Variants in NPC1L1 observed in about 807,000 individuals in gnomAD.
NPC1L1 encodes the protein NPC1-like intracellular cholesterol transporter 1.
Under a neutral mutation model 117.0 loss-of-function variants are expected in NPC1L1, and 98 were observed. That is an observed-to-expected ratio of 0.84 (90% CI 0.71 to 0.99). The LOEUF is 0.99. NPC1L1 is among the 50% of genes least tolerant of loss of function. The pLI, the probability that NPC1L1 is intolerant of heterozygous loss-of-function variation, is 0.00. For synonymous variants in NPC1L1, 729 were observed against 727.6 expected (o/e 1.00, Z -0.03); for missense variants, 1,540 against 1,710.0 (o/e 0.90, Z 1.75).
intron 10 of NPC1L1, among the ~76,000 whole-genome samples, chr7:44,525,772 A>T (rs1331997780): frequency 2.0e-5 from 3 of 152,250 alleles, no homozygotes; most frequent in Non-Finnish European, 4.4e-5. Flanking sequence ...TTGAAAAAAA[A>T]GAAGTGACTT....
At chr7:44,516,242 G>A (rs1266911135) in intron 16 of NPC1L1, 45 bp from the exon 17 acceptor site, 1 of 1,519,590 alleles carries the variant, frequency 6.6e-7, no homozygotes, top group Non-Finnish European at 9.0e-7. Flanking sequence ...CAGAGGTGGG[G>A]AAGGAACTAG....
Position 44,539,133 on chromosome 7 carries a change from A to G in NPC1L1, c.1264T>C (p.Tyr422His). ...TTGGGCCCCAGCAGCAGAGAGTCATACCTGTAGCTGGACCGGTTAGGAGCC... is the reference window on the plus strand; with the variant it reads ...TTGGGCCCCAGCAGCAGAGAGTCATGCCTGTAGCTGGACCGGTTAGGAGCC... ...LTAPNRSSYR[Y>H]DSLLLGPKNF... is the part of the protein sequence containing the mutation. The change falls in exon 2 of 19, where the codon TAT becomes CAT. Residue 422 changes from tyrosine (Y) to histidine (H), a missense_variant. By Grantham distance (83) the Tyr-to-His change is moderately conservative. This residue lies in a region of NPC1L1 where 793 missense variants were observed against 820.4 expected (regional missense o/e 0.97). Transcript: ENST00000381160. This position sits in a 1 kb window ranked among gnomAD's most constrained non-coding sequence, Gnocchi z 4.4. The G allele has an allele frequency of 6.2e-7, 1 of 1,614,036 alleles. No homozygotes were observed. Among genetic ancestry groups the G allele is most frequent in the Non-Finnish European group, 8.5e-7 (1 of 1,180,020 alleles).
chr7:44,522,472 T>C (rs1278423254), intron 10 of NPC1L1, among the ~76,000 whole-genome samples: 1 of 152,050 alleles, frequency 6.6e-6, no homozygotes, highest in African/African-American at 2.4e-5. Flanking sequence ...CGTAGATACA[T>C]GCTTAGAGGT....
intron 2 of NPC1L1, among the ~76,000 whole-genome samples, chr7:44,537,321 C>T (rs771030400): frequency 6.6e-6 from 1 of 152,182 alleles, no homozygotes; most frequent in East Asian, 1.9e-4. Flanking sequence ...CTGGATTGAG[C>T]GTCACACCTG....
intron 15 of NPC1L1, 136 bp from the exon 16 acceptor site, chr7:44,517,070 C>T: frequency 6.9e-7 from 1 of 1,443,168 alleles, no homozygotes; most frequent in Non-Finnish European, 9.7e-7. Context: ...AAGAAATAGG[C>T]CCAAGGCTGC....
intron 18 of NPC1L1, 120 bp downstream of exon 18, chr7:44,515,683 G>C: frequency 1.7e-6 from 2 of 1,205,152 alleles, no homozygotes; most frequent in Non-Finnish European, 2.5e-6. Context: ...CATAGTCCTG[G>C]CTTCTGACAT....
At chr7:44,516,013 A>G in intron 17 of NPC1L1, 48 bp from the exon 18 acceptor site, 1 of 1,610,710 alleles carries the variant, frequency 6.2e-7, no homozygotes, top group South Asian at 1.1e-5. Context: ...GGCATCAGGC[A>G]GGGCACAGGG....
intron 10 of NPC1L1, 48 bp from the exon 11 acceptor site, chr7:44,522,290 C>A (rs1563203669): frequency 6.4e-7 from 1 of 1,551,864 alleles, no homozygotes. Context: ...ATGCACACCC[C>A]TAAAGGGCTC....
chr7:44,520,418 G>A (rs1175322149), intron 14 of NPC1L1, among the ~76,000 whole-genome samples: 1 of 152,226 alleles, frequency 6.6e-6, no homozygotes, highest in Non-Finnish European at 1.5e-5. Flanking sequence ...ATGACTGCTA[G>A]GATTGTGCTG....
intron 10 of NPC1L1, among the ~76,000 whole-genome samples, chr7:44,523,065 GT>G (rs1801408896): frequency 6.6e-6 from 1 of 152,094 alleles, no homozygotes; most frequent in South Asian, 2.1e-4. Context: ...TTTTTGTTTT[GT>G]TTTGTTTTGT....
Position 44,517,350 on chromosome 7 carries a change from C to T in NPC1L1, c.3144G>A (p.Arg1048=). ...LTSDGQVLAS[R]FMAYHKPLKN... ...TCAGGGGCTTGTGATAGGCCATGAA[C>T]CTGGAGGCTGGACAGCCATGGCACA... Residue 1048 remains arginine (R), a synonymous_variant, in exon 15 of 19, where the codon AGG becomes AGA. Transcript: ENST00000381160. 1 of 1,611,898 alleles carries T rather than the reference C, an allele frequency of 6.2e-7. No homozygotes were observed. The highest frequency in any genetic ancestry group is 1.1e-5 in the South Asian group (1 of 91,082).
In NPC1L1 at chr7:44,540,248, A is replaced by C. The variant is rs146419986; in HGVS notation, c.149T>G (p.Met50Arg). The C allele has an allele frequency of 9.9e-6, 16 of 1,613,952 alleles. No homozygotes were observed. Among genetic ancestry groups the C allele is most frequent in the African/African-American group, 9.3e-5 (7 of 74,876 alleles). The change falls in exon 2 of 19, where the codon ATG (methionine) becomes AGG (arginine). Residue 50 changes from methionine (M) to arginine (R), a missense_variant. Met to Arg is a moderately conservative substitution (Grantham distance 91). Around this residue, in one of 3 missense-constraint regions of NPC1L1, gnomAD observed 793 missense variants for 820.4 expected, o/e 0.97. Transcript: ENST00000381160. ...GKNPELSGSLMTLSNVSCLSN... is the reference protein window; with the variant it reads ...GKNPELSGSLRTLSNVSCLSN... The stretch of plus-strand genomic sequence containing the variant: ...CAGGCAGGACACGTTGGAGAGTGTC[A>C]TGAGGCTTCCAGACAGCTCTGGGTT...
chr7:44,525,853 A>G (rs986208488), intron 10 of NPC1L1, among the ~76,000 whole-genome samples: 4 of 152,254 alleles, frequency 2.6e-5, no homozygotes, highest in African/African-American at 9.6e-5. Context: ...CCCAGATGGC[A>G]GTGGGTTTGT....
rs761698767 is a variant in NPC1L1 at position 44,516,926 on chromosome 7, T to C, written c.3296A>G (p.Asn1099Ser). ...AFEVFPYTIT[N>S]VFYEQYLTIL... ...GGTCAGGTACTGCTCATAAAACACATTGGTGATCCTGCCAGAGCACAGAGC... is the reference window on the plus strand; with the variant it reads ...GGTCAGGTACTGCTCATAAAACACACTGGTGATCCTGCCAGAGCACAGAGC... Residue 1099 changes from asparagine (N) to serine (S), a missense_variant, in exon 16 of 19, where the codon AAT (asparagine) becomes AGT (serine). Transcript: ENST00000381160. 8 of 1,612,738 alleles carry C rather than the reference T, an allele frequency of 5.0e-6. No homozygotes were observed. Among genetic ancestry groups the C allele is most frequent in the African/African-American group, 1.3e-5 (1 of 74,858 alleles).
chr7:44,535,477 C>T (rs763346943), intron 5 of NPC1L1, among the ~76,000 whole-genome samples: 1 of 151,760 alleles, frequency 6.6e-6, no homozygotes, highest in Non-Finnish European at 1.5e-5. Flanking sequence ...TTGCAGTGAG[C>T]TAAGATCATG....
chr7:44,518,959 C>CTTTCTTTCTTTTT (rs1801274652), intron 14 of NPC1L1, among the ~76,000 whole-genome samples: 6 of 147,470 alleles, frequency 4.1e-5, no homozygotes, highest in African/African-American at 1.5e-4. Context: ...TCTTTTTCTT[C>CTTTCTTTCTTTTT]CTTCCTTCCT....
At position 44,536,676 on chromosome 7, in the gene NPC1L1, G is replaced by C. The variant is rs1801904872; in HGVS notation, c.1681+166C>G. Among the ~76,000 whole-genome samples the C allele has an allele frequency of 6.6e-6, 1 of 152,178 alleles. No individual in the cohort carries two copies. The highest frequency in any genetic ancestry group is 6.5e-5 in the Admixed American group (1 of 15,278). On this transcript the variant is annotated intron_variant, in intron 3 of 18. Transcript: ENST00000381160. The surrounding 1 kb of genome is among the most constrained non-coding windows in gnomAD (Gnocchi z 4.7). ...CTGAGTAACACTACTAGAAGATAAA[G>C]GAGATGGCAGAGAGAGGAAACAGGA...
Position 44,521,236 on chromosome 7 carries a change from G to A in NPC1L1, c.2954-118C>T, listed in dbSNP as rs557864348. 949 of 1,332,240 alleles carry A rather than the reference G, an allele frequency of 7.1e-4. 1 individual carries two copies. Among genetic ancestry groups the A allele is most frequent in the African/African-American group, 3.6e-3 (250 of 69,416 alleles). The allele number at this position is 1,332,240 out of a possible 1,614,324, so 82.5% of individuals were successfully genotyped here. A position where few individuals can be genotyped will look rare whatever the true frequency, so the allele number is the denominator to read the frequency against. On this transcript the variant is annotated intron_variant, in intron 12 of 18. Coordinates refer to ENST00000381160, the MANE Select transcript of NPC1L1 (RefSeq NM_001101648.2). ...CTGGGCACTCCAGCCTCAACCAGTCGCTTCTAGGGGGATTTGCATTTGTCA... is the reference window on the plus strand; with the variant it reads ...CTGGGCACTCCAGCCTCAACCAGTCACTTCTAGGGGGATTTGCATTTGTCA...
intron 2 of NPC1L1, among the ~76,000 whole-genome samples, chr7:44,537,957 G>C (rs570263083): frequency 2.6e-5 from 4 of 152,314 alleles, no homozygotes; most frequent in Admixed American, 2.0e-4. Flanking sequence ...GGTAGCAGGG[G>C]ACAGAAAGTG....
Sources: allele counts gnomAD v4.1 joint callset (sites outside exome capture counted in the v4.1 genomes callset), GRCh38; gene constraint gnomAD v4.1.1; regional missense constraint gnomAD v4.1.1; non-coding constraint Gnocchi (gnomAD v3.1); transcripts MANE v1.5; gene names NCBI Gene and HGNC (gene_info 2026-07-23, HGNC 2026-07-21).